The following MAGI2 variants were observed in gnomAD, a reference collection of about 807,000 sequenced individuals.
MAGI2 encodes membrane-associated guanylate kinase, WW and PDZ domain-containing protein 2.
Under a neutral mutation model 133.3 loss-of-function variants are expected in MAGI2, and 35 were observed. The ratio of observed to expected loss-of-function variants is 0.26; its 90% CI spans 0.20 to 0.35. The LOEUF (loss-of-function observed/expected upper bound fraction) is 0.35, where lower values mean the gene tolerates loss of function less well. Among genes scored for constraint, MAGI2 ranks in the 10% least tolerant of loss-of-function variants. The probability of loss-of-function intolerance (pLI) is 1.00; values close to 1 mark genes in which losing one functional copy is unlikely to be tolerated. For synonymous variants in MAGI2, 729 were observed against 710.6 expected (o/e 1.03, Z -0.41); for missense variants, 1,636 against 1,863.4 (o/e 0.88, Z 2.25).
chr7:79,223,250 G>A (rs1189960853), intron 1 of MAGI2, among the ~76,000 whole-genome samples: 1 of 151,982 alleles, frequency 6.6e-6, no homozygotes, highest in African/African-American at 2.4e-5. Flanking sequence ...CATTTATGTT[G>A]TTTTTAAATG....
intron 6 of MAGI2, among the ~76,000 whole-genome samples, chr7:78,455,025 G>A (rs74518435): frequency 0.012 from 1,789 of 152,162 alleles, 27 homozygotes; most frequent in African/African-American, 0.04. Flanking sequence ...CGACAGAACT[G>A]TACAACACAA....
chr7:79,333,186 C>T (rs1359431845), intron 1 of MAGI2, among the ~76,000 whole-genome samples: 1 of 152,020 alleles, frequency 6.6e-6, no homozygotes, highest in East Asian at 1.9e-4. Flanking sequence ...TGCAGTGGCA[C>T]AATCTTGGCT....
At chr7:78,791,975 A>T (rs1393795543) in intron 2 of MAGI2, among the ~76,000 whole-genome samples, 1 of 152,202 alleles carries the variant, frequency 6.6e-6, no homozygotes, top group Non-Finnish European at 1.5e-5. Flanking sequence ...CTTTATTTTT[A>T]AAAATATGCA....
At chr7:79,291,457 C>A (rs191787337) in intron 1 of MAGI2, among the ~76,000 whole-genome samples, 1 of 152,204 alleles carries the variant, frequency 6.6e-6, no homozygotes, top group East Asian at 1.9e-4. Context: ...GGTCTTATGG[C>A]AACTTTCTGT....
At chr7:78,846,541 A>T (rs1792626869) in intron 2 of MAGI2, among the ~76,000 whole-genome samples, 1 of 151,976 alleles carries the variant, frequency 6.6e-6, no homozygotes, top group Non-Finnish European at 1.5e-5. Flanking sequence ...TGAAGATAAC[A>T]TTGATGTTAC....
intron 10 of MAGI2, among the ~76,000 whole-genome samples, chr7:78,209,267 C>CT (rs111381805): frequency 0.032 from 2,660 of 82,668 alleles, 72 homozygotes; most frequent in East Asian, 0.093. Context: ...AAAAGTCATT[C>CT]TTTTTTTTTT....
In MAGI2 at chr7:79,373,408, A is replaced by G. The variant is rs369484437; in HGVS notation, c.301+79612T>C. Among the ~76,000 whole-genome samples, 152 of 152,130 alleles carry G rather than the reference A, an allele frequency of 1.0e-3. 2 individuals are homozygous for G. The South Asian group carries it at 0.011, about 11-fold the overall frequency. On this transcript the variant is annotated intron_variant, in intron 1 of 21. Transcript: ENST00000354212. Reference sequence around the variant, plus strand: ...GTTTGACCAATACAGTTCCCTTCTGAAAATTGTTAAATATCCTATAATTTA... The same window carrying G: ...GTTTGACCAATACAGTTCCCTTCTGGAAATTGTTAAATATCCTATAATTTA...
At chr7:78,433,383 G>A (rs147705182) in intron 6 of MAGI2, among the ~76,000 whole-genome samples, 183 of 152,080 alleles carry the variant, frequency 1.2e-3, no homozygotes, top group African/African-American at 4.2e-3. Flanking sequence ...GCAGGATTTG[G>A]TGATTCAGTC....
At chr7:79,062,985 T>G (rs772145404) in intron 1 of MAGI2, among the ~76,000 whole-genome samples, 3 of 152,160 alleles carry the variant, frequency 2.0e-5, no homozygotes, top group Non-Finnish European at 4.4e-5. Flanking sequence ...CTACTGCTTA[T>G]GTATGCTTTC....
At chr7:79,452,417 G>T (rs1339309521) in intron 1 of MAGI2, among the ~76,000 whole-genome samples, 5 of 152,248 alleles carry the variant, frequency 3.3e-5, no homozygotes, top group African/African-American at 1.2e-4. Flanking sequence ...AGTGAAGAAG[G>T]GGAAAAGTTA....
intron 10 of MAGI2, among the ~76,000 whole-genome samples, chr7:78,202,249 A>G (rs993150171): frequency 6.6e-6 from 1 of 152,238 alleles, no homozygotes; most frequent in African/African-American, 2.4e-5. Context: ...AACTATTCCT[A>G]TTTCCATTTG....
chr7:78,201,056 C>T, intron 11 of MAGI2, 106 bp downstream of exon 11: 1 of 707,800 alleles, frequency 1.4e-6, no homozygotes, highest in Non-Finnish European at 2.4e-6. Flanking sequence ...ACATCACAGA[C>T]TCCTAGAGTT....
At chr7:78,313,661 G>A (rs1798914651) in intron 9 of MAGI2, among the ~76,000 whole-genome samples, 1 of 151,746 alleles carries the variant, frequency 6.6e-6, no homozygotes, top group Non-Finnish European at 1.5e-5. Context: ...TATGGAAGGG[G>A]AAGTATTCTT....
chr7:79,171,517 G>C (rs1825541385), intron 1 of MAGI2, among the ~76,000 whole-genome samples: 1 of 151,212 alleles, frequency 6.6e-6, no homozygotes, highest in Admixed American at 6.6e-5. Context: ...AAAGATAATT[G>C]CCCATTTTGG....
chr7:78,922,561 A>G (rs2151637525), intron 2 of MAGI2, among the ~76,000 whole-genome samples: 1 of 152,118 alleles, frequency 6.6e-6, no homozygotes. Context: ...CATGGTGTAT[A>G]TGTGCCACAT....
chr7:79,076,887 ATTAAT>A (rs1328994563), intron 1 of MAGI2, among the ~76,000 whole-genome samples: 3 of 152,194 alleles, frequency 2.0e-5, no homozygotes, highest in Non-Finnish European at 4.4e-5. Context: ...CTCTGGGGAA[ATTAAT>A]TTATTCCTAT....
At chr7:78,444,590 AT>A (rs1787949853) in intron 6 of MAGI2, among the ~76,000 whole-genome samples, 1 of 152,066 alleles carries the variant, frequency 6.6e-6, no homozygotes, top group South Asian at 2.1e-4. Context: ...GTATTATTGT[AT>A]TGGAGAGCCA....
chr7:78,758,761 T>G (rs1824204467), intron 2 of MAGI2, among the ~76,000 whole-genome samples: 1 of 152,194 alleles, frequency 6.6e-6, no homozygotes, highest in South Asian at 2.1e-4. Flanking sequence ...ACAATACAAA[T>G]TCTTCTCCTT....
At chr7:78,184,016 C>T (rs992030602) in intron 13 of MAGI2, among the ~76,000 whole-genome samples, 2 of 152,146 alleles carry the variant, frequency 1.3e-5, no homozygotes, top group African/African-American at 4.8e-5. Context: ...TAACTTTTGT[C>T]TTCTAAGTAA....
Sources: allele counts gnomAD v4.1 joint callset (sites outside exome capture counted in the v4.1 genomes callset), GRCh38; gene constraint gnomAD v4.1.1; transcripts MANE v1.5; gene names NCBI Gene and HGNC (gene_info 2026-07-23, HGNC 2026-07-21).